SEM1: variants seen among roughly 807,000 people sequenced by gnomAD.
SEM1 encodes SEM1 26S proteasome subunit.
SEM1 carries 3 observed loss-of-function variants against 12.7 expected under a neutral mutation model. That is an observed-to-expected ratio of 0.24 (90% CI 0.11 to 0.61). The LOEUF (loss-of-function observed/expected upper bound fraction) is 0.61, where lower values mean the gene tolerates loss of function less well. SEM1 is among the 20% of genes least tolerant of loss of function. The pLI is 0.88. For missense variants in SEM1, 59 were observed against 81.3 expected (o/e 0.73, Z 1.06); for synonymous variants, 30 against 27.8 (o/e 1.08, Z -0.25).
rs776805463 is a variant in SEM1, at chr7:96,694,808, T to C, written c.160A>G (p.Asn54Asp). Reference protein sequence around the residue: ...DDDNVEDDFSNQLRAELEKHG... With the variant: ...DDDNVEDDFSDQLRAELEKHG... ...TGGCTTAAAACTTACCGTAACTGAT[T>C]AGAGAAGTCATCCTCTACATTGTCA... The change falls in exon 2 of 3, where the codon AAT (asparagine) becomes GAT (aspartate). Residue 54 changes from asparagine (N) to aspartate (D), a missense_variant. Asn to Asp is a conservative substitution (Grantham distance 23). Transcript: ENST00000248566. The C allele has an allele frequency of 1.9e-6, 3 of 1,605,202 alleles. No individual in the cohort carries two copies. The South Asian group carries it at 3.3e-5, about 18-fold the overall frequency.
At chr7:96,518,165 C>T (rs1482079567) in intron 2 of SEM1, among the ~76,000 whole-genome samples, 1 of 152,108 alleles carries the variant, frequency 6.6e-6, no homozygotes, top group Non-Finnish European at 1.5e-5. Flanking sequence ...TTCTCTAATG[C>T]CATTGGCAAT....
chr7:96,709,737 G>T lies in SEM1; in HGVS notation c.27C>A (p.Asp9Glu). ...CGTCGTCTTCCTCTAACAGACCTAA[G>T]TCTACCGGCTGCTTTTTCTCTGACA... MSEKKQPV[D>E]LGLLEEDDEF... Residue 9 changes from aspartate to glutamate, a missense_variant, in exon 1 of 3, where the codon GAC becomes GAA. Transcript: ENST00000248566. The T allele has an allele frequency of 1.4e-5, 23 of 1,613,956 alleles. No homozygotes were observed. Among genetic ancestry groups the T allele is most frequent in the Non-Finnish European group, 1.9e-5 (23 of 1,179,924 alleles).
At chr7:96,571,453 A>C (rs1806025848) in intron 2 of SEM1, among the ~76,000 whole-genome samples, 1 of 151,932 alleles carries the variant, frequency 6.6e-6, no homozygotes, top group African/African-American at 2.4e-5. Flanking sequence ...CCATTTATTA[A>C]ATAGGGAATC....
chr7:96,568,655 A>G (rs1805926207), intron 2 of SEM1, among the ~76,000 whole-genome samples: 1 of 151,638 alleles, frequency 6.6e-6, no homozygotes, highest in African/African-American at 2.4e-5. Context: ...TGTTTTTAGT[A>G]TGTTGTTTGG....
At chr7:96,526,182 T>C (rs1239787251) in intron 2 of SEM1, among the ~76,000 whole-genome samples, 2 of 152,138 alleles carry the variant, frequency 1.3e-5, no homozygotes, top group Non-Finnish European at 2.9e-5. Flanking sequence ...CTCACCATTA[T>C]ATATTTAGGT....
chr7:96,492,632 T>A (rs1214707333), intron 1 of SEM1, among the ~76,000 whole-genome samples: 1 of 146,648 alleles, frequency 6.8e-6, no homozygotes, highest in East Asian at 2.0e-4. Context: ...GGTTTCACCA[T>A]GTTGGCCAGG....
At chr7:96,533,076 T>C (rs950102345) in intron 2 of SEM1, among the ~76,000 whole-genome samples, 1 of 152,116 alleles carries the variant, frequency 6.6e-6, no homozygotes. Context: ...GTTCCATCTC[T>C]TATACACCCA....
At position 96,601,270 on chromosome 7, in the gene SEM1, G is replaced by A. The variant is rs1038373108; in HGVS notation, c.170+93528C>T. ...TGGAACTTATATTCTAGCAGGGAGA[G>A]AAAAACAATAAATAAAAGACATACT... On this transcript the variant is annotated intron_variant and NMD_transcript_variant, in intron 2 of 3. Coordinates refer to the SEM1 transcript ENST00000466986. 2.6e-5 allele frequency among the ~76,000 whole-genome samples: 4 copies of A among 152,100 alleles called. No individual in the cohort carries two copies. In the South Asian group the frequency reaches 8.3e-4, roughly 32 times the overall value.
rs941693632 is a variant in SEM1 at position 96,675,520 on chromosome 7, A to G, written c.171-1661T>C. ...ACAGCTAAGTATATAACAGACATTT[A>G]CCATTTTATAGTTATCCAGCACCCA... On this transcript the variant is annotated intron_variant, in intron 2 of 2. Coordinates refer to the SEM1 transcript ENST00000413065. Among the ~76,000 whole-genome samples, 7 of 152,168 alleles carry G rather than the reference A, an allele frequency of 4.6e-5. No homozygotes were observed. In the East Asian group the frequency reaches 5.8e-4, roughly 13 times the overall value.
At chr7:96,657,797 G>A (rs932041510) in intron 2 of SEM1, among the ~76,000 whole-genome samples, 7 of 152,144 alleles carry the variant, frequency 4.6e-5, no homozygotes, top group African/African-American at 7.2e-5. Flanking sequence ...CCACAACAAC[G>A]CCAGTGGCCA....
intron 2 of SEM1, among the ~76,000 whole-genome samples, chr7:96,625,346 A>G (rs1321948341): frequency 6.6e-6 from 1 of 152,176 alleles, no homozygotes; most frequent in Non-Finnish European, 1.5e-5. Flanking sequence ...TGTTATAGTC[A>G]CCAAACATGT....
At chr7:96,484,725 G>T in intron 3 of SEM1, 1 of 634,900 alleles carries the variant, frequency 1.6e-6, no homozygotes, top group Non-Finnish European at 2.4e-6. Context: ...TAACTCTTCC[G>T]AATGACTCAA....
At chr7:96,516,008 T>G (rs1222124665) in intron 2 of SEM1, among the ~76,000 whole-genome samples, 3 of 151,980 alleles carry the variant, frequency 2.0e-5, no homozygotes, top group Non-Finnish European at 4.4e-5. Context: ...ACATGTACCC[T>G]AGAACTTAAA....
exon 4 of SEM1, chr7:96,483,969 C>T (rs886190510): frequency 2.0e-6 from 3 of 1,528,754 alleles, no homozygotes; most frequent in Admixed American, 2.0e-5. Context: ...CTCAGTGGAG[C>T]AGTGGAAAGA....
chr7:96,582,273 T>C (rs1806436911), intron 2 of SEM1, among the ~76,000 whole-genome samples: 1 of 148,604 alleles, frequency 6.7e-6, no homozygotes, highest in East Asian at 2.0e-4. Flanking sequence ...CTGGATTACA[T>C]TTATTGATTT....
At position 96,583,769 on chromosome 7, in the gene SEM1, G is replaced by C. The variant is rs540111204; in HGVS notation, c.171-77071C>G. On this transcript the variant is annotated intron_variant and NMD_transcript_variant, in intron 2 of 3. Coordinates refer to the SEM1 transcript ENST00000466986. ...TTTGATCTTTGTTGGTTTAAAGTCT[G>C]TTTTATCCGAGACTAGGATTGCAAC... Among the ~76,000 whole-genome samples, 38 of 150,652 alleles carry C rather than the reference G, an allele frequency of 2.5e-4. 3 individuals carry two copies. The East Asian group carries it at 7.4e-3, about 29-fold the overall frequency.
chr7:96,544,485 A>G (rs756549981), intron 2 of SEM1, among the ~76,000 whole-genome samples: 18 of 152,042 alleles, frequency 1.2e-4, no homozygotes, highest in Non-Finnish European at 2.4e-4. Flanking sequence ...TAGATGTTTA[A>G]TAAATTCCTT....
At chr7:96,563,307 G>T (rs1805745817) in intron 2 of SEM1, among the ~76,000 whole-genome samples, 1 of 152,014 alleles carries the variant, frequency 6.6e-6, no homozygotes, top group African/African-American at 2.4e-5. Flanking sequence ...AGGAAGCAAG[G>T]TCATTATTGA....
At chr7:96,540,491 T>G (rs1285066122) in intron 2 of SEM1, among the ~76,000 whole-genome samples, 2 of 151,920 alleles carry the variant, frequency 1.3e-5, no homozygotes, top group East Asian at 3.9e-4. Context: ...ACCTCAAATA[T>G]GATCAAAAAG....
Sources: allele counts gnomAD v4.1 joint callset (sites outside exome capture counted in the v4.1 genomes callset), GRCh38; gene constraint gnomAD v4.1.1; transcripts MANE v1.5; gene names NCBI Gene and HGNC (gene_info 2026-07-23, HGNC 2026-07-21).